RIC8B: variants seen among roughly 807,000 people sequenced by gnomAD.
RIC8B encodes the protein RIC8 guanine nucleotide exchange factor B, also known as chaperone Ric-8B.
A neutral mutation model predicts 57.5 loss-of-function variants in RIC8B; 16 were observed. The ratio of observed to expected loss-of-function variants is 0.28; its 90% CI spans 0.19 to 0.42. RIC8B has a LOEUF of 0.42. Ranked by LOEUF, RIC8B falls within the 10% of genes least tolerant of loss-of-function variation. The probability of loss-of-function intolerance (pLI) is 1.00; values close to 1 mark genes in which losing one functional copy is unlikely to be tolerated. For synonymous variants in RIC8B, 216 were observed against 250.8 expected (o/e 0.86, Z 1.31); for missense variants, 481 against 677.0 (o/e 0.71, Z 3.21).
chr12:106,829,080 C>G (rs578179269), intron 4 of RIC8B, among the ~76,000 whole-genome samples: 1 of 152,322 alleles, frequency 6.6e-6, no homozygotes, highest in South Asian at 2.1e-4. Flanking sequence ...CTCGTAAAGA[C>G]AGCAGACCTT....
intron 2 of RIC8B, among the ~76,000 whole-genome samples, chr12:106,787,736 G>C (rs2044097587): frequency 6.6e-6 from 1 of 152,014 alleles, no homozygotes; most frequent in African/African-American, 2.4e-5. Flanking sequence ...AACAGTATGG[G>C]GGAAACTGCC....
chr12:106,785,813 CTGTGTGTGTGTGTGTGTGTG>C (rs61337359), intron 2 of RIC8B, among the ~76,000 whole-genome samples: 1 of 123,852 alleles, frequency 8.1e-6, no homozygotes, highest in African/African-American at 3.1e-5. Flanking sequence ...CTCTCTCTCT[CTGTGTGTGTGTGTGTGTGTG>C]TGTGTGTGTG....
intron 2 of RIC8B, among the ~76,000 whole-genome samples, chr12:106,813,399 C>T (rs1049063482): frequency 6.6e-6 from 1 of 152,006 alleles, no homozygotes; most frequent in Non-Finnish European, 1.5e-5. Flanking sequence ...ACCACGTTAG[C>T]CAGGATGGTC....
intron 2 of RIC8B, among the ~76,000 whole-genome samples, chr12:106,800,115 G>A (rs920362692): frequency 5.9e-5 from 9 of 152,042 alleles, no homozygotes; most frequent in African/African-American, 1.4e-4. Flanking sequence ...CCAAGAGACC[G>A]GGGCCTCACC....
intron 5 of RIC8B, 21 bp from the exon 6 acceptor site, chr12:106,843,831 A>G (rs759589015): frequency 9.9e-6 from 15 of 1,520,670 alleles, no homozygotes; most frequent in South Asian, 8.1e-5. Context: ...TTTCAAAAAC[A>G]TATGGTTTTT....
chr12:106,880,841 C>A (rs2136665781), intron 9 of RIC8B, among the ~76,000 whole-genome samples: 1 of 151,952 alleles, frequency 6.6e-6, no homozygotes, highest in South Asian at 2.1e-4. Flanking sequence ...TAGTACAGAA[C>A]AAGAAATCTC....
chr12:106,863,924 T>C lies in RIC8B; in HGVS notation c.1451+3512T>C, dbSNP rs150890275. ...AAAGGCATTTTGAGGTCTTTTTTGT[T>C]TTATTGCCTAGATGCAATTTGGTAT... On this transcript the variant is annotated intron_variant, in intron 8 of 9. Transcript: ENST00000392837. Among the ~76,000 whole-genome samples, 471 of 152,292 alleles carry C rather than the reference T, an allele frequency of 3.1e-3. 3 individuals are homozygous for C. The highest frequency in any genetic ancestry group is 5.8e-3 in the Non-Finnish European group (396 of 68,012).
At chr12:106,774,985 C>G in intron 1 of RIC8B, 156 bp downstream of exon 1, 1 of 613,348 alleles carries the variant, frequency 1.6e-6, no homozygotes, top group South Asian at 2.0e-5. Flanking sequence ...GTGCCCCCAG[C>G]CTTTTCCATC....
intron 2 of RIC8B, among the ~76,000 whole-genome samples, chr12:106,811,019 G>A (rs997376476): frequency 2.0e-5 from 3 of 152,216 alleles, no homozygotes; most frequent in Non-Finnish European, 4.4e-5. Context: ...TTTGGTTTTA[G>A]AGTCTATGGT....
chr12:106,805,948 G>GT (rs1018894968), intron 2 of RIC8B, among the ~76,000 whole-genome samples: 13 of 151,770 alleles, frequency 8.6e-5, no homozygotes, highest in African/African-American at 3.1e-4. Context: ...TTTGTGTTTG[G>GT]TTTTTTTCTT....
intron 4 of RIC8B, among the ~76,000 whole-genome samples, chr12:106,831,323 G>C (rs1242534810): frequency 6.6e-6 from 1 of 152,124 alleles, no homozygotes; most frequent in Non-Finnish European, 1.5e-5. Context: ...GCTCTTCTCT[G>C]TCTTAAGGAT....
chr12:106,882,650 T>C (rs566818505), intron 9 of RIC8B, among the ~76,000 whole-genome samples: 1 of 152,292 alleles, frequency 6.6e-6, no homozygotes, highest in African/African-American at 2.4e-5. Context: ...ACTTCCTGAC[T>C]CCAGATCTTT....
intron 4 of RIC8B, among the ~76,000 whole-genome samples, chr12:106,836,809 A>G (rs934438217): frequency 6.6e-6 from 1 of 152,242 alleles, no homozygotes; most frequent in Non-Finnish European, 1.5e-5. Context: ...AATAAGATCT[A>G]AAGTTATAAT....
intron 8 of RIC8B, among the ~76,000 whole-genome samples, chr12:106,866,354 A>G (rs1221410027): frequency 6.6e-6 from 1 of 152,120 alleles, no homozygotes. Context: ...TTCTACATCT[A>G]GTTGAGGAAT....
At chr12:106,866,717 C>T (rs1162681139) in intron 8 of RIC8B, among the ~76,000 whole-genome samples, 1 of 152,126 alleles carries the variant, frequency 6.6e-6, no homozygotes, top group Admixed American at 6.5e-5. Flanking sequence ...TACTTAGCAA[C>T]ATTTAGAATT....
chr12:106,791,540 A>G (rs115456165), intron 2 of RIC8B, among the ~76,000 whole-genome samples: 2,755 of 152,326 alleles, frequency 0.018, 46 homozygotes, highest in Middle Eastern at 0.048. Flanking sequence ...GAGCCAGTTT[A>G]TGGAGTGAAA....
intron 2 of RIC8B, among the ~76,000 whole-genome samples, chr12:106,795,218 A>G (rs1375841902): frequency 6.6e-6 from 1 of 152,190 alleles, no homozygotes; most frequent in African/African-American, 2.4e-5. Flanking sequence ...ATTTTTATAG[A>G]TGTATATAAC....
chr12:106,869,521 A>G (rs1297173738), intron 8 of RIC8B, among the ~76,000 whole-genome samples: 1 of 151,708 alleles, frequency 6.6e-6, no homozygotes, highest in East Asian at 1.9e-4. Context: ...CATTGTGTAT[A>G]TTTGACCCTC....
chr12:106,888,452 C>A lies in RIC8B; in HGVS notation c.*2437C>A, dbSNP rs11829440. ...CTCCAGAAAGCTTATGAAAGTTACCCCACGTCACAGCAAGGAAGAGTCCAA... is the reference window on the plus strand; with the variant it reads ...CTCCAGAAAGCTTATGAAAGTTACCACACGTCACAGCAAGGAAGAGTCCAA... On this transcript the variant is annotated 3_prime_UTR_variant, in exon 10 of 10. Coordinates refer to ENST00000392837, the MANE Select transcript of RIC8B (RefSeq NM_001330145.2). 0.013 allele frequency: 2,027 copies of A among 152,712 alleles called. 24 individuals are homozygous for A. The highest frequency in any genetic ancestry group is 0.03 in the African/African-American group (1,240 of 41,526). The allele number at this position is 152,712 out of a possible 1,614,324, so 9.5% of individuals were successfully genotyped here.
Sources: gnomAD v4.1 joint callset for allele counts (sites outside exome capture counted in the v4.1 genomes callset) on GRCh38, gnomAD v4.1.1 for gene constraint, MANE v1.5 for transcripts, NCBI Gene and HGNC (gene_info 2026-07-23, HGNC 2026-07-21) for gene names.